AGBL1: variants seen among roughly 807,000 people sequenced by gnomAD.
AGBL1 encodes cytosolic carboxypeptidase 4.
AGBL1 carries 130 observed loss-of-function variants against 118.9 expected under a neutral mutation model. That is an observed-to-expected ratio of 1.09 (90% CI 0.95 to 1.26). The LOEUF (loss-of-function observed/expected upper bound fraction) is 1.26, where lower values mean the gene tolerates loss of function less well. Among genes scored for constraint, AGBL1 ranks in the 50% most tolerant of loss-of-function variants. The pLI is 0.00. For missense variants in AGBL1, 1,584 were observed against 1,298.1 expected, an observed-to-expected ratio of 1.22 and a Z score of -3.38; for synonymous variants, 555 against 478.9, an observed-to-expected ratio of 1.16 and a Z score of -2.08.
rs1482321446 is a variant in AGBL1, at chr15:86,896,687, T to G, written c.3159-10400T>G. ...ACTTCTGCTGTAAAAGATAAATTAT[T>G]CCAATATGCATTTTCTTTCTCATGC... is the stretch of plus-strand genomic sequence containing the variant. On this transcript the variant is annotated intron_variant, in intron 22 of 22. Coordinates refer to ENST00000614907, the MANE Select transcript of AGBL1 (RefSeq NM_001386094.1). Among the ~76,000 whole-genome samples the G allele has an allele frequency of 2.0e-5, 3 of 152,312 alleles. No homozygotes were observed. In the East Asian group the frequency reaches 5.8e-4, roughly 29 times the overall value.
chr15:86,985,742 A>C (rs1032366148), intron 23 of AGBL1, among the ~76,000 whole-genome samples: 3 of 152,188 alleles, frequency 2.0e-5, no homozygotes, highest in Non-Finnish European at 2.9e-5. Context: ...ACGAAGTCCA[A>C]CGTATCAACA....
chr15:86,279,741 C>T lies in AGBL1; in HGVS notation c.2178C>T (p.Cys726=). 1 of 1,613,832 alleles carries T rather than the reference C, an allele frequency of 6.2e-7. No individual in the cohort carries two copies. The highest frequency in any genetic ancestry group is 8.5e-7 in the Non-Finnish European group (1 of 1,179,784). The part of the protein sequence containing the change: ...AVTFPHSEDV[C]YLAYHYPYTY... ...CCTTCCCACACAGTGAGGATGTCTG[C>T]TACCTGGCCTACCACTATCCCTATA... is the stretch of plus-strand genomic sequence containing the variant. The change falls in exon 16 of 23, where the codon TGC becomes TGT. Residue 726 remains cysteine (C), a synonymous_variant. Coordinates refer to ENST00000614907, the MANE Select transcript of AGBL1 (RefSeq NM_001386094.1).
intron 6 of AGBL1, among the ~76,000 whole-genome samples, chr15:86,234,286 C>T (rs2078502187): frequency 6.6e-6 from 1 of 152,076 alleles, no homozygotes; most frequent in Admixed American, 6.5e-5. Flanking sequence ...AGAGCGGTGG[C>T]TCATGCCTCT....
At chr15:86,232,691 C>G (rs548323035) in intron 6 of AGBL1, among the ~76,000 whole-genome samples, 1 of 152,270 alleles carries the variant, frequency 6.6e-6, no homozygotes, top group East Asian at 1.9e-4. Context: ...AGAGCTGCCT[C>G]TGGTGAATCC....
chr15:86,993,589 G>T (rs541555365), intron 24 of AGBL1, among the ~76,000 whole-genome samples: 14 of 152,188 alleles, frequency 9.2e-5, no homozygotes, highest in African/African-American at 3.4e-4. Flanking sequence ...TCTCACGTGG[G>T]TGGTTATATG....
chr15:86,113,475 G>A (rs535948296), intron 1 of AGBL1, among the ~76,000 whole-genome samples: 2 of 151,356 alleles, frequency 1.3e-5, no homozygotes, highest in Non-Finnish European at 2.9e-5. Context: ...TAGTAGAGAT[G>A]GGGTTTCACC....
intron 23 of AGBL1, among the ~76,000 whole-genome samples, chr15:86,971,784 G>GTAATCCCCA (rs1344691084): frequency 1.9e-4 from 29 of 152,018 alleles, no homozygotes; most frequent in Middle Eastern, 3.4e-3. Flanking sequence ...ATCTTGAATT[G>GTAATCCCCA]TAATCCCCAT....
chr15:86,421,109 A>G (rs2081783344), intron 18 of AGBL1, among the ~76,000 whole-genome samples: 2 of 152,310 alleles, frequency 1.3e-5, no homozygotes, highest in Middle Eastern at 3.4e-3. Context: ...AATACAGTGA[A>G]CAATACAAAC....
In AGBL1 at chr15:86,827,508, T is replaced by C. The variant is rs1393783720; in HGVS notation, c.3159-79579T>C. Among the ~76,000 whole-genome samples the C allele has an allele frequency of 9.1e-5, 6 of 65,814 alleles. 1 individual carries two copies. Among genetic ancestry groups the C allele is most frequent in the South Asian group, 1.1e-3 (2 of 1,900 alleles). The allele number at this position is 65,814 out of a possible 152,430, so 43.2% of individuals were successfully genotyped here. The stretch of plus-strand genomic sequence containing the variant: ...ATGTGTGTATATATATATATATATA[T>C]ATATATATATATAGCCTGTGGTTAT... On this transcript the variant is annotated intron_variant, in intron 22 of 22. Transcript: ENST00000614907.
At chr15:86,389,163 A>G (rs2081240953) in intron 17 of AGBL1, among the ~76,000 whole-genome samples, 1 of 152,224 alleles carries the variant, frequency 6.6e-6, no homozygotes. Flanking sequence ...CATTAAAAAA[A>G]TAAGGAGTAT....
chr15:86,532,296 A>G (rs1490318824), intron 19 of AGBL1, among the ~76,000 whole-genome samples: 1 of 152,162 alleles, frequency 6.6e-6, no homozygotes, highest in Admixed American at 6.5e-5. Context: ...AAAAATCACA[A>G]GCATTGTCAT....
intron 1 of AGBL1, among the ~76,000 whole-genome samples, chr15:86,085,262 C>G (rs1895562752): frequency 6.6e-6 from 1 of 152,118 alleles, no homozygotes; most frequent in African/African-American, 2.4e-5. Flanking sequence ...GGTACATTTA[C>G]CAGGATGAGG....
intron 17 of AGBL1, among the ~76,000 whole-genome samples, chr15:86,393,339 T>C (rs1289708941): frequency 3.3e-5 from 5 of 152,202 alleles, no homozygotes; most frequent in African/African-American, 1.2e-4. Context: ...GCCCAGACAA[T>C]GGAAGTGTTT....
rs906308712 is a variant in AGBL1, at chr15:86,824,721, G to A, written c.3159-82366G>A. The stretch of plus-strand genomic sequence containing the variant: ...ATAGTAATCAAGGCAGCATGATATT[G>A]GCAGGGGAATAGACACATATAGATC... On this transcript the variant is annotated intron_variant, in intron 22 of 22. Coordinates refer to ENST00000614907, the MANE Select transcript of AGBL1 (RefSeq NM_001386094.1). Among the ~76,000 whole-genome samples, 18 of 152,160 alleles carry A rather than the reference G, an allele frequency of 1.2e-4. No individual in the cohort carries two copies. In the East Asian group the frequency reaches 3.1e-3, roughly 26 times the overall value.
chr15:86,553,078 G>T (rs925096164), intron 20 of AGBL1, among the ~76,000 whole-genome samples: 1 of 152,092 alleles, frequency 6.6e-6, no homozygotes, highest in Non-Finnish European at 1.5e-5. Context: ...TCTTTCATTT[G>T]TATTCTCATT....
chr15:86,383,275 A>AAAAAG (rs544397935), intron 17 of AGBL1, among the ~76,000 whole-genome samples: 1 of 118,890 alleles, frequency 8.4e-6, no homozygotes, highest in African/African-American at 3.2e-5. Flanking sequence ...AAAAAAAAAA[A>AAAAAG]TCCTAATTGC....
intron 1 of AGBL1, among the ~76,000 whole-genome samples, chr15:86,098,191 C>T (rs962163821): frequency 2.6e-5 from 4 of 151,474 alleles, no homozygotes; most frequent in African/African-American, 9.7e-5. Context: ...CCATTGAGTT[C>T]CTTGTATATT....
chr15:86,921,100 A>G (rs543699743), downstream of AGBL1, among the ~76,000 whole-genome samples: 3 of 152,346 alleles, frequency 2.0e-5, no homozygotes, highest in Admixed American at 6.5e-5. Context: ...AAAGTCATCA[A>G]TAAATACGTG....
chr15:86,814,534 C>T (rs933405759), intron 22 of AGBL1, among the ~76,000 whole-genome samples: 6 of 152,204 alleles, frequency 3.9e-5, no homozygotes, highest in Non-Finnish European at 8.8e-5. Flanking sequence ...GTCACAGAAA[C>T]ACATTCTCTG....
Sources: gnomAD v4.1 joint callset for allele counts (sites outside exome capture counted in the v4.1 genomes callset) on GRCh38, gnomAD v4.1.1 for gene constraint, MANE v1.5 for transcripts, NCBI Gene and HGNC (gene_info 2026-07-23, HGNC 2026-07-21) for gene names.